Variants in OXNAD1 observed in about 807,000 individuals in gnomAD.
OXNAD1 encodes the protein oxidoreductase NAD binding domain containing 1.
Under a neutral mutation model 32.9 loss-of-function variants are expected in OXNAD1, and 34 were observed. That is an observed-to-expected ratio of 1.03 (90% CI 0.79 to 1.38). The LOEUF is 1.38. Ranked by LOEUF, OXNAD1 falls within the 40% of genes most tolerant of loss-of-function variation. The pLI is 0.00. For synonymous variants in OXNAD1, 134 were observed against 135.2 expected, an observed-to-expected ratio of 0.99 and a Z score of 0.06; for missense variants, 407 against 379.4, an observed-to-expected ratio of 1.07 and a Z score of -0.60.
intron 9 of OXNAD1, among the ~76,000 whole-genome samples, chr3:16,318,267 C>T (rs142501054): frequency 2.9e-4 from 44 of 152,222 alleles, no homozygotes; most frequent in South Asian, 1.0e-3. Context: ...CAGTTCCCAC[C>T]ATGGCCACTT....
At position 16,303,477 on chromosome 3, in the gene OXNAD1, C is replaced by T. The variant is rs748227278; in HGVS notation, c.854C>T (p.Pro285Leu). Residue 285 changes from proline to leucine, a missense_variant, in exon 9 of 9, where the codon CCA becomes CTA. Coordinates refer to ENST00000285083, the MANE Select transcript of OXNAD1 (RefSeq NM_138381.5). This position sits in a 1 kb window ranked among gnomAD's most constrained non-coding sequence, Gnocchi z 4.8. ...GAGACTTTGTTCTATATTTGTGGCC[C>T]ACCTCCAATGACAGACTTTTTCTCC... is the stretch of plus-strand genomic sequence containing the variant. ...SKETLFYICG[P>L]PPMTDFFSKQ... The T allele has an allele frequency of 3.7e-6, 6 of 1,614,012 alleles. No homozygotes were observed. Among genetic ancestry groups the T allele is most frequent in the Non-Finnish European group, 5.1e-6 (6 of 1,179,948 alleles).
rs989572453 is a variant in OXNAD1, at chr3:16,304,329, T to C, written c.*767T>C. On this transcript the variant is annotated 3_prime_UTR_variant, in exon 9 of 9. Coordinates refer to ENST00000285083, the MANE Select transcript of OXNAD1 (RefSeq NM_138381.5). The surrounding 1 kb of genome is among the most constrained non-coding windows in gnomAD (Gnocchi z 4.6). ...CTTCAGTGCCTGGGCTGGCTTGCTA[T>C]GGAAATGTGCTTAGCATTGATTAGG... 1 of 152,246 alleles carries C rather than the reference T, an allele frequency of 6.6e-6. No individual in the cohort carries two copies. Among genetic ancestry groups the C allele is most frequent in the Non-Finnish European group, 1.5e-5 (1 of 68,046 alleles). The allele number at this position is 152,246 out of a possible 1,614,324, so 9.4% of individuals were successfully genotyped here.
rs1214373867 is a variant in OXNAD1, at chr3:16,321,587, G to A, written c.*31-15525G>A. 2.6e-5 allele frequency among the ~76,000 whole-genome samples: 4 copies of A among 152,144 alleles called. No individual in the cohort carries two copies. The highest frequency in any genetic ancestry group is 7.2e-5 in the African/African-American group (3 of 41,426). On this transcript the variant is annotated intron_variant, in intron 9 of 9. Transcript: ENST00000435829. The surrounding 1 kb of genome is among the most constrained non-coding windows in gnomAD (Gnocchi z 4.8). ...TTCTTCCAAGGAGTCTGGCTGTGAA[G>A]CCCCCCTCTCTGGAGGACTCCCATC...
chr3:16,302,771 G>T lies in OXNAD1; in HGVS notation c.784+23G>T, dbSNP rs1307116423. ...CGGGTGAGTCCCCTAAAGATATTTTGACTATCTCCATGCAGTTATTTGATG... is the reference window on the plus strand; with the variant it reads ...CGGGTGAGTCCCCTAAAGATATTTTTACTATCTCCATGCAGTTATTTGATG... On this transcript the variant is annotated intron_variant, in intron 8 of 8. Coordinates refer to ENST00000285083, the MANE Select transcript of OXNAD1 (RefSeq NM_138381.5). This position sits in a 1 kb window ranked among gnomAD's most constrained non-coding sequence, Gnocchi z 4.2. 1 of 1,547,864 alleles carries T rather than the reference G, an allele frequency of 6.5e-7. No individual in the cohort carries two copies.
Position 16,270,870 on chromosome 3 carries a change from T to G in OXNAD1, c.-8-75T>G, listed in dbSNP as rs2064874759. On this transcript the variant is annotated intron_variant, in intron 2 of 8. Coordinates refer to ENST00000285083, the MANE Select transcript of OXNAD1 (RefSeq NM_138381.5). ...AACAGAAATCCACACTCTTCCTCAC[T>G]GACCCTCTAAAATAGTCTGATATTT... The G allele has an allele frequency of 3.0e-5, 47 of 1,588,162 alleles. 1 individual carries two copies. The South Asian group carries it at 5.3e-4, about 18-fold the overall frequency.
chr3:16,286,143 G>C (rs2066054753), intron 4 of OXNAD1, among the ~76,000 whole-genome samples, 199 bp from the exon 5 acceptor site: 1 of 152,152 alleles, frequency 6.6e-6, no homozygotes, highest in African/African-American at 2.4e-5. Context: ...ATGATAGCAA[G>C]TCTCTCAAAA....
intron 4 of OXNAD1, among the ~76,000 whole-genome samples, chr3:16,281,488 A>G (rs139977566): frequency 1.3e-5 from 2 of 152,234 alleles, no homozygotes. Context: ...TGTTCAACCT[A>G]TAAGTATAAT....
chr3:16,269,356 T>G, intron 2 of OXNAD1, 81 bp downstream of exon 2: 1 of 1,438,874 alleles, frequency 6.9e-7, no homozygotes, highest in Non-Finnish European at 9.4e-7. Context: ...CTACGTTTAG[T>G]GGTCTTGAAT....
At chr3:16,337,516 G>A (rs1244924084), downstream of OXNAD1, among the ~76,000 whole-genome samples, 1 of 151,990 alleles carries the variant, frequency 6.6e-6, no homozygotes, top group Non-Finnish European at 1.5e-5. The surrounding 1 kb of genome is among the most constrained non-coding windows in gnomAD (Gnocchi z 5.0). Context: ...GGCAGAGGTG[G>A]GTGGATCATG....
In OXNAD1 at chr3:16,329,687, G is replaced by A. The variant is rs965868921; in HGVS notation, c.*31-7425G>A. ...CGTATTCCCAGTTTAAAGAGAGGAGGAAAACCAATTTTAAATCCACACTCT... is the reference window on the plus strand; with the variant it reads ...CGTATTCCCAGTTTAAAGAGAGGAGAAAAACCAATTTTAAATCCACACTCT... On this transcript the variant is annotated intron_variant, in intron 9 of 9. Coordinates refer to the OXNAD1 transcript ENST00000435829. The surrounding 1 kb of genome is among the most constrained non-coding windows in gnomAD (Gnocchi z 4.5). 6.6e-6 allele frequency among the ~76,000 whole-genome samples: 1 copy of A among 152,058 alleles called. No homozygotes were observed. Among genetic ancestry groups the A allele is most frequent in the Non-Finnish European group, 1.5e-5 (1 of 68,008 alleles).
rs141658132 is a variant in OXNAD1, at chr3:16,325,949, G to C, written c.*31-11163G>C. On this transcript the variant is annotated intron_variant, in intron 9 of 9. Coordinates refer to the OXNAD1 transcript ENST00000435829. Reference sequence around the variant, plus strand: ...ATCCTTGCTGGTCAGCAGAGAGACGGCCTGCTCCAGGAAAAGTGCCTGATT... The same window carrying C: ...ATCCTTGCTGGTCAGCAGAGAGACGCCCTGCTCCAGGAAAAGTGCCTGATT... Among the ~76,000 whole-genome samples, 7 of 152,338 alleles carry C rather than the reference G, an allele frequency of 4.6e-5. No individual in the cohort carries two copies. In the East Asian group the frequency reaches 1.4e-3, roughly 29 times the overall value.
downstream of OXNAD1, among the ~76,000 whole-genome samples, chr3:16,337,529 G>C (rs780296139): frequency 3.9e-5 from 6 of 152,034 alleles, no homozygotes; most frequent in Non-Finnish European, 7.4e-5. This position sits in a 1 kb window ranked among gnomAD's most constrained non-coding sequence, Gnocchi z 5.0. Flanking sequence ...GGATCATGAG[G>C]TCAGGAGATC....
At position 16,271,441 on chromosome 3, in the gene OXNAD1, T is replaced by C. The variant is rs942193202; in HGVS notation, c.120-218T>C. On this transcript the variant is annotated intron_variant, in intron 3 of 8. Transcript: ENST00000285083. The surrounding 1 kb of genome is among the most constrained non-coding windows in gnomAD (Gnocchi z 4.6). Reference sequence around the variant, plus strand: ...CTGGTCTCGTACTCCTGACGTCAGATGATCTGCCTGCCTCGGCCTCCCAAA... The same window carrying C: ...CTGGTCTCGTACTCCTGACGTCAGACGATCTGCCTGCCTCGGCCTCCCAAA... Among the ~76,000 whole-genome samples, 1 of 152,146 alleles carries C rather than the reference T, an allele frequency of 6.6e-6. No homozygotes were observed. The highest frequency in any genetic ancestry group is 1.5e-5 in the Non-Finnish European group (1 of 68,018).
chr3:16,316,494 G>T lies in OXNAD1; in HGVS notation c.*30+12902G>T, dbSNP rs879137325. On this transcript the variant is annotated intron_variant, in intron 9 of 9. Transcript: ENST00000435829. The surrounding 1 kb of genome is among the most constrained non-coding windows in gnomAD (Gnocchi z 4.5). ...GATTTGACCCGAATGCTCCCTGGAG[G>T]CCCTGTGGCGAGGACAGGCACTGGA... The T allele has an allele frequency of 5.8e-6, 2 of 345,582 alleles. No homozygotes were observed. The highest frequency in any genetic ancestry group is 1.1e-5 in the Non-Finnish European group (2 of 186,624). The allele number at this position is 345,582 out of a possible 1,614,324, so 21.4% of individuals were successfully genotyped here. A position where few individuals can be genotyped will look rare whatever the true frequency, so the allele number is the denominator to read the frequency against.
In OXNAD1 at chr3:16,317,751, G is replaced by T. The variant is rs192290078; in HGVS notation, c.*30+14159G>T. Among the ~76,000 whole-genome samples, 30 of 144,654 alleles carry T rather than the reference G, an allele frequency of 2.1e-4. No individual in the cohort carries two copies. In the East Asian group the frequency reaches 5.7e-3, roughly 27 times the overall value. 94.9% of individuals were successfully genotyped at this position (144,654 alleles called of 152,430 possible). ...GCTCAGATCCCCCCACAGGACTGGC[G>T]GGCCCGCTCCCCAGCTAGGCCGATA... is the stretch of plus-strand genomic sequence containing the variant. On this transcript the variant is annotated intron_variant, in intron 9 of 9. Coordinates refer to the OXNAD1 transcript ENST00000435829. The surrounding 1 kb of genome is among the most constrained non-coding windows in gnomAD (Gnocchi z 4.3).
Position 16,317,343 on chromosome 3 carries a change from TC to T in OXNAD1, c.*30+13754del. On this transcript the variant is annotated intron_variant, in intron 9 of 9. Coordinates refer to the OXNAD1 transcript ENST00000435829. This position sits in a 1 kb window ranked among gnomAD's most constrained non-coding sequence, Gnocchi z 4.3. ...ACCATGTCTGAGTGAGACATACAAT[TC>T]CCAGCATCCCCCAGCCAGGCAGTAC... 1 of 1,144,446 alleles carries T rather than the reference TC, an allele frequency of 8.7e-7. No individual in the cohort carries two copies. Among genetic ancestry groups the T allele is most frequent in the Non-Finnish European group, 1.2e-6 (1 of 804,202 alleles). The allele number at this position is 1,144,446 out of a possible 1,614,324, so 70.9% of individuals were successfully genotyped here.
At chr3:16,268,478 C>T (rs2064710477) in intron 1 of OXNAD1, among the ~76,000 whole-genome samples, 1 of 151,458 alleles carries the variant, frequency 6.6e-6, no homozygotes, top group African/African-American at 2.4e-5. Context: ...TATAGGCGCC[C>T]GACACCACAC....
chr3:16,345,807 T>C lies in OXNAD1; in HGVS notation c.*31-3369T>C. Among the ~76,000 whole-genome samples the C allele has an allele frequency of 1.2e-5, 1 of 86,272 alleles. No individual in the cohort carries two copies. Among genetic ancestry groups the C allele is most frequent in the South Asian group, 3.7e-4 (1 of 2,714 alleles). 56.6% of individuals were successfully genotyped at this position (86,272 alleles called of 152,430 possible). On this transcript the variant is annotated intron_variant, in intron 9 of 9. Transcript: ENST00000606098. This position sits in a 1 kb window ranked among gnomAD's most constrained non-coding sequence, Gnocchi z 5.2. ...AAATCTCTGTGTGTGTGTGTGTGTG[T>C]GTGTGTGTGTGCGCGCGCGCGTGCG...
At chr3:16,272,961 T>C (rs1228937062) in intron 4 of OXNAD1, among the ~76,000 whole-genome samples, 3 of 152,186 alleles carry the variant, frequency 2.0e-5, no homozygotes, top group South Asian at 2.1e-4. Flanking sequence ...GTAAATACTT[T>C]AGATTTTTTG....
Sources: gnomAD v4.1 joint callset for allele counts (sites outside exome capture counted in the v4.1 genomes callset) on GRCh38, gnomAD v4.1.1 for gene constraint, Gnocchi (gnomAD v3.1) non-coding constraint, MANE v1.5 for transcripts, NCBI Gene and HGNC (gene_info 2026-07-23, HGNC 2026-07-21) for gene names.